The following LRMDA variants were observed in gnomAD, a reference collection of about 807,000 sequenced individuals.
LRMDA encodes the protein leucine-rich melanocyte differentiation-associated protein.
In LRMDA, 18 loss-of-function variants were observed where a neutral mutation model predicts 29.8. That is an observed-to-expected ratio of 0.60 (90% CI 0.42 to 0.90). The LOEUF (loss-of-function observed/expected upper bound fraction) is 0.90, where lower values mean the gene tolerates loss of function less well. LRMDA is among the 40% of genes least tolerant of loss of function. The pLI is 0.00. For synonymous variants in LRMDA, 125 were observed against 109.4 expected (o/e 1.14, Z -0.89); for missense variants, 273 against 273.9 (o/e 1.00, Z 0.02).
At chr10:76,283,891 C>T (rs545757651) in intron 5 of LRMDA, among the ~76,000 whole-genome samples, 1 of 152,132 alleles carries the variant, frequency 6.6e-6, no homozygotes, top group African/African-American at 2.4e-5. Flanking sequence ...ATCTTGAACT[C>T]CTTGGTTCAA....
intron 6 of LRMDA, among the ~76,000 whole-genome samples, chr10:76,483,033 C>T (rs931633722): frequency 6.6e-6 from 1 of 151,900 alleles, no homozygotes; most frequent in Non-Finnish European, 1.5e-5. Context: ...TAAATTTCCT[C>T]TATTGTGAAA....
chr10:75,847,922 T>A (rs568518244), intron 2 of LRMDA, among the ~76,000 whole-genome samples: 13 of 152,338 alleles, frequency 8.5e-5, no homozygotes, highest in Admixed American at 8.5e-4. Flanking sequence ...CCTGTACTGC[T>A]AAGGATATGG....
chr10:76,214,930 T>A (rs1256409871), intron 5 of LRMDA, among the ~76,000 whole-genome samples: 1 of 152,228 alleles, frequency 6.6e-6, no homozygotes, highest in African/African-American at 2.4e-5. Flanking sequence ...AAATTCTGCC[T>A]GGATTAAATG....
chr10:76,298,768 A>C (rs1840443366), intron 5 of LRMDA, among the ~76,000 whole-genome samples: 1 of 152,226 alleles, frequency 6.6e-6, no homozygotes, highest in African/African-American at 2.4e-5. Flanking sequence ...CATTCTACTC[A>C]GTTTCTTATA....
At chr10:76,415,219 A>G (rs1222951553) in intron 6 of LRMDA, among the ~76,000 whole-genome samples, 1 of 152,118 alleles carries the variant, frequency 6.6e-6, no homozygotes, top group Non-Finnish European at 1.5e-5. Flanking sequence ...TCCTTTTTGG[A>G]CTTCCTAAGG....
At chr10:76,555,766 CAAAAAAAAAA>C (rs60428922) in intron 6 of LRMDA, among the ~76,000 whole-genome samples, 1 of 124,838 alleles carries the variant, frequency 8.0e-6, no homozygotes, top group Non-Finnish European at 1.7e-5. Flanking sequence ...ACAAATTAAC[CAAAAAAAAAA>C]AAAAAAAAAA....
intron 2 of LRMDA, among the ~76,000 whole-genome samples, chr10:75,910,894 G>A (rs559416878): frequency 2.0e-5 from 3 of 152,300 alleles, no homozygotes; most frequent in African/African-American, 7.2e-5. Flanking sequence ...CTTGTTTGGT[G>A]CGAGACAGGG....
chr10:76,376,024 GGTACAA>G (rs1841513143), intron 6 of LRMDA, among the ~76,000 whole-genome samples: 1 of 151,564 alleles, frequency 6.6e-6, no homozygotes, highest in Admixed American at 6.6e-5. Flanking sequence ...TAGACATGAG[GGTACAA>G]GTACATTATT....
chr10:76,437,756 C>A, intron 6 of LRMDA, among the ~76,000 whole-genome samples: 1 of 152,178 alleles, frequency 6.6e-6, no homozygotes. Flanking sequence ...TTGGGATGCT[C>A]ATTTGATTGA....
At chr10:75,712,947 A>C (rs1007379872) in intron 2 of LRMDA, among the ~76,000 whole-genome samples, 3 of 152,108 alleles carry the variant, frequency 2.0e-5, no homozygotes, top group Non-Finnish European at 2.9e-5. Context: ...ATTTACCTTA[A>C]TCAGTTATTG....
intron 2 of LRMDA, among the ~76,000 whole-genome samples, chr10:75,866,908 A>G (rs548269510): frequency 6.6e-6 from 1 of 152,294 alleles, no homozygotes; most frequent in Non-Finnish European, 1.5e-5. Context: ...GGAGGATGAA[A>G]AAGGAACTGT....
At chr10:76,261,222 G>A (rs1022644467) in intron 5 of LRMDA, among the ~76,000 whole-genome samples, 4 of 151,450 alleles carry the variant, frequency 2.6e-5, no homozygotes, top group South Asian at 2.1e-4. Context: ...CTGCCACCAC[G>A]CCCGGATAAT....
At chr10:76,311,082 A>G (rs904440874) in intron 5 of LRMDA, among the ~76,000 whole-genome samples, 6 of 152,324 alleles carry the variant, frequency 3.9e-5, no homozygotes, top group Admixed American at 2.6e-4. Context: ...CTTGATCAAC[A>G]TGTAATTTAT....
At chr10:75,703,374 C>T (rs1410389937) in intron 2 of LRMDA, among the ~76,000 whole-genome samples, 16 of 152,170 alleles carry the variant, frequency 1.1e-4, no homozygotes, top group Admixed American at 1.0e-3. Context: ...TGAGAGAGTT[C>T]CGTTTTCTCT....
rs369236399 is a variant in LRMDA, at chr10:76,299,599, C to CT, written c.517-24799dup. Among the ~76,000 whole-genome samples, 466 of 97,878 alleles carry CT rather than the reference C, an allele frequency of 4.8e-3. 13 individuals carry two copies. The highest frequency in any genetic ancestry group is 5.4e-3 in the Non-Finnish European group (257 of 47,468). 64.2% of individuals were successfully genotyped at this position (97,878 alleles called of 152,430 possible). A position where few individuals can be genotyped will look rare whatever the true frequency, so the allele number is the denominator to read the frequency against. On this transcript the variant is annotated intron_variant, in intron 5 of 6. Coordinates refer to ENST00000611255, the MANE Select transcript of LRMDA (RefSeq NM_001305581.2). Reference sequence around the variant, plus strand: ...GAATGCCTTTGAACCACCCCCCTTCCTTTCTTTTTTTTTTTTTTTATGGGA... The same window carrying CT: ...GAATGCCTTTGAACCACCCCCCTTCCTTTTCTTTTTTTTTTTTTTTATGGGA...
chr10:76,053,292 G>T (rs1323944821), intron 4 of LRMDA, among the ~76,000 whole-genome samples: 2 of 152,150 alleles, frequency 1.3e-5, no homozygotes, highest in Non-Finnish European at 2.9e-5. Flanking sequence ...CCTTGTGATT[G>T]CAGGTTATCT....
intron 2 of LRMDA, among the ~76,000 whole-genome samples, chr10:75,826,955 A>G (rs1219956302): frequency 6.6e-6 from 1 of 152,180 alleles, no homozygotes; most frequent in African/African-American, 2.4e-5. Context: ...GCAGAAAATT[A>G]CTTTTTTTGT....
At chr10:76,229,105 C>G (rs374933949) in intron 5 of LRMDA, among the ~76,000 whole-genome samples, 2 of 152,164 alleles carry the variant, frequency 1.3e-5, no homozygotes, top group East Asian at 1.9e-4. Context: ...GAGAATGGAG[C>G]TGGGACAATG....
At chr10:76,246,859 G>A (rs1258244149) in intron 5 of LRMDA, among the ~76,000 whole-genome samples, 2 of 152,148 alleles carry the variant, frequency 1.3e-5, no homozygotes, top group Non-Finnish European at 2.9e-5. Flanking sequence ...TAACAAAGAT[G>A]GGTGCTGCTA....
Sources: allele counts gnomAD v4.1 joint callset (sites outside exome capture counted in the v4.1 genomes callset), GRCh38; gene constraint gnomAD v4.1.1; transcripts MANE v1.5; gene names NCBI Gene and HGNC (gene_info 2026-07-23, HGNC 2026-07-21).